The following TNFRSF8 variants were observed in gnomAD, a reference collection of about 807,000 sequenced individuals.
The protein encoded by TNFRSF8 is tumor necrosis factor receptor superfamily member 8.
In TNFRSF8, 26 loss-of-function variants were observed where a neutral mutation model predicts 70.8. That is an observed-to-expected ratio of 0.37 (90% CI 0.27 to 0.51). TNFRSF8 has a LOEUF of 0.51. Ranked by LOEUF, TNFRSF8 falls within the 20% of genes least tolerant of loss-of-function variation. The probability of loss-of-function intolerance (pLI) is 0.94; values close to 1 mark genes in which losing one functional copy is unlikely to be tolerated. For synonymous variants in TNFRSF8, 356 were observed against 339.2 expected (o/e 1.05, Z -0.54); for missense variants, 720 against 807.9 (o/e 0.89, Z 1.32).
rs1449036810 is a variant in TNFRSF8, at chr1:12,109,045, A to C, written c.422-521A>C. ...AGAAGCTTCAGGCATGGCTGGATCC[A>C]GGGCTCCATCTTGCCCCATCTCTCA... is the stretch of plus-strand genomic sequence containing the variant. On this transcript the variant is annotated intron_variant, in intron 4 of 14. Coordinates refer to ENST00000263932, the MANE Select transcript of TNFRSF8 (RefSeq NM_001243.5). The surrounding 1 kb of genome is among the most constrained non-coding windows in gnomAD (Gnocchi z 4.4). 2.6e-5 allele frequency among the ~76,000 whole-genome samples: 4 copies of C among 152,336 alleles called. No homozygotes were observed. The South Asian group carries it at 6.2e-4, about 24-fold the overall frequency.
chr1:12,136,245 G>C (rs935410152), intron 13 of TNFRSF8, among the ~76,000 whole-genome samples: 1 of 152,124 alleles, frequency 6.6e-6, no homozygotes. Flanking sequence ...TGTGACAAGT[G>C]GCTGTTACAA....
chr1:12,106,019 TTCTTC>T (rs1377430535), intron 4 of TNFRSF8, among the ~76,000 whole-genome samples: 1 of 151,988 alleles, frequency 6.6e-6, no homozygotes, highest in Non-Finnish European at 1.5e-5. Context: ...TTGACCTGCC[TTCTTC>T]TCTTCATGTT....
intron 4 of TNFRSF8, among the ~76,000 whole-genome samples, chr1:12,107,785 TAGAA>T (rs898177624): frequency 5.9e-5 from 9 of 152,234 alleles, no homozygotes; most frequent in Admixed American, 6.5e-5. Flanking sequence ...AGCTGTAAAA[TAGAA>T]AGCAGTTTCT....
Position 12,115,741 on chromosome 1 carries a change from C to G in TNFRSF8, c.946+12C>G. ...CACCAAGCCCCAGGGTAAGCAGTTC[C>G]CACCCCAGGCCTCGACCACAGGGTG... On this transcript the variant is annotated intron_variant, in intron 8 of 14. Transcript: ENST00000263932. The G allele has an allele frequency of 6.2e-7, 1 of 1,612,402 alleles. No individual in the cohort carries two copies. Among genetic ancestry groups the G allele is most frequent in the Non-Finnish European group, 8.5e-7 (1 of 1,178,634 alleles).
At chr1:12,092,069 G>T (rs935352638) in intron 2 of TNFRSF8, among the ~76,000 whole-genome samples, 1 of 152,126 alleles carries the variant, frequency 6.6e-6, no homozygotes, top group Admixed American at 6.5e-5. Context: ...GACTGGGGTC[G>T]CCTGGCTTGT....
intron 3 of TNFRSF8, among the ~76,000 whole-genome samples, chr1:12,100,165 T>A (rs534303785): frequency 6.6e-6 from 1 of 151,490 alleles, no homozygotes; most frequent in Admixed American, 6.6e-5. Flanking sequence ...TGAGACACCA[T>A]CTAAAAAAAA....
intron 4 of TNFRSF8, among the ~76,000 whole-genome samples, chr1:12,105,168 C>T (rs911219278): frequency 2.0e-5 from 3 of 152,102 alleles, no homozygotes; most frequent in Admixed American, 1.3e-4. Context: ...GAGTGGCTGC[C>T]GCAGTTGCAG....
chr1:12,123,355 G>C lies in TNFRSF8; in HGVS notation c.1018G>C (p.Glu340Gln). ...GTQPDCNPTP[E>Q]NGEAPASTSP... ...CCAGCCGGACTGCAACCCCACCCCA[G>C]AGAATGGCGAGGCGCCTGCCAGGTG... Residue 340 changes from glutamate to glutamine, a missense_variant, in exon 9 of 15, where the codon GAG becomes CAG. Transcript: ENST00000263932. 6.2e-7 allele frequency: 1 copy of C among 1,612,206 alleles called. No homozygotes were observed. Among genetic ancestry groups the C allele is most frequent in the Non-Finnish European group, 8.5e-7 (1 of 1,179,360 alleles).
In TNFRSF8 at chr1:12,071,994, G is replaced by A. The variant is rs377036288; in HGVS notation, c.63+8333G>A. Among the ~76,000 whole-genome samples, 18 of 152,332 alleles carry A rather than the reference G, an allele frequency of 1.2e-4. No individual in the cohort carries two copies. The South Asian group carries it at 2.3e-3, about 19-fold the overall frequency. On this transcript the variant is annotated intron_variant, in intron 1 of 14. Coordinates refer to ENST00000263932, the MANE Select transcript of TNFRSF8 (RefSeq NM_001243.5). ...CTATAGGCATGAGCCACCTTTGAGA[G>A]ACAGTAGAGCATTTCGTTAAAGGTA...
chr1:12,117,419 A>G (rs191764218), intron 8 of TNFRSF8, among the ~76,000 whole-genome samples: 35 of 152,300 alleles, frequency 2.3e-4, no homozygotes, highest in Admixed American at 4.6e-4. Context: ...TTGAAGGAAT[A>G]TCCGGGGAAA....
chr1:12,074,080 C>T (rs912490318), intron 1 of TNFRSF8, among the ~76,000 whole-genome samples: 4 of 151,768 alleles, frequency 2.6e-5, no homozygotes, highest in African/African-American at 4.8e-5. Flanking sequence ...GGAGCCGGCA[C>T]GGGATTGCTG....
At chr1:12,125,633 C>T (rs1437043006) in intron 10 of TNFRSF8, among the ~76,000 whole-genome samples, 7 of 152,288 alleles carry the variant, frequency 4.6e-5, no homozygotes, top group East Asian at 1.9e-4. Context: ...TGCCAGATGC[C>T]GGTCACACCG....
chr1:12,112,035 CG>C lies in TNFRSF8; in HGVS notation c.793+24del. The C allele has an allele frequency of 6.3e-7, 1 of 1,585,092 alleles. No homozygotes were observed. Among genetic ancestry groups the C allele is most frequent in the Non-Finnish European group, 8.7e-7 (1 of 1,155,154 alleles). ...TCGAGGTAAGGGCCTCGTCCCTCCC[CG>C]GGCCTCAGTTTACCTCTCTGCATTT... On this transcript the variant is annotated intron_variant, in intron 7 of 14. Coordinates refer to ENST00000263932, the MANE Select transcript of TNFRSF8 (RefSeq NM_001243.5). This position sits in a 1 kb window ranked among gnomAD's most constrained non-coding sequence, Gnocchi z 5.3.
intron 3 of TNFRSF8, among the ~76,000 whole-genome samples, chr1:12,100,816 G>T (rs2100990459): frequency 6.6e-6 from 1 of 152,290 alleles, no homozygotes; most frequent in Non-Finnish European, 1.5e-5. Flanking sequence ...AATTAGCCGG[G>T]CACGTTGGCA....
intron 2 of TNFRSF8, among the ~76,000 whole-genome samples, chr1:12,096,589 C>T (rs1641335495): frequency 6.6e-6 from 1 of 152,128 alleles, no homozygotes; most frequent in South Asian, 2.1e-4. Context: ...TTATGGCTCT[C>T]CTAATTCCTG....
At position 12,142,909 on chromosome 1, in the gene TNFRSF8, C is replaced by T. The variant is rs1219457719; in HGVS notation, c.*378C>T. 4 of 190,908 alleles carry T rather than the reference C, an allele frequency of 2.1e-5. No homozygotes were observed. Among genetic ancestry groups the T allele is most frequent in the South Asian group, 1.2e-4 (1 of 8,282 alleles). 11.8% of individuals were successfully genotyped at this position (190,908 alleles called of 1,614,324 possible). On this transcript the variant is annotated 3_prime_UTR_variant, in exon 15 of 15. Coordinates refer to ENST00000263932, the MANE Select transcript of TNFRSF8 (RefSeq NM_001243.5). The surrounding 1 kb of genome is among the most constrained non-coding windows in gnomAD (Gnocchi z 5.0). ...GCCCACAGCCCAGCGAGGGAGAGGT[C>T]GTGAGGCCAGCTCCCGGGGCCCCTG...
At chr1:12,072,875 C>A (rs1640871770) in intron 1 of TNFRSF8, among the ~76,000 whole-genome samples, 1 of 152,166 alleles carries the variant, frequency 6.6e-6, no homozygotes. Flanking sequence ...ACTCTTGATT[C>A]GGGTGAGGGA....
At chr1:12,075,193 G>A (rs1569984742) in intron 1 of TNFRSF8, among the ~76,000 whole-genome samples, 2 of 151,746 alleles carry the variant, frequency 1.3e-5, no homozygotes, top group Admixed American at 6.6e-5. Context: ...ATAGTGAGCC[G>A]AGATTGCACC....
chr1:12,138,231 G>C lies in TNFRSF8; in HGVS notation c.1338G>C (p.Gln446His). Residue 446 changes from glutamine to histidine, a missense_variant and splice_region_variant, in exon 14 of 15, where the codon CAG (glutamine) becomes CAC (histidine). Physicochemically the swap from Gln to His is conservative, Grantham distance 24. Coordinates refer to ENST00000263932, the MANE Select transcript of TNFRSF8 (RefSeq NM_001243.5). The surrounding 1 kb of genome is among the most constrained non-coding windows in gnomAD (Gnocchi z 5.7). ...CAGCACCCATTCCCGTCCCACAGCAGCTGAGGAGTGGTGCGTCGGTGACAG... is the reference window on the plus strand; with the variant it reads ...CAGCACCCATTCCCGTCCCACAGCACCTGAGGAGTGGTGCGTCGGTGACAG... ...VDSRPRRSST[Q>H]LRSGASVTEP... 6.2e-7 allele frequency: 1 copy of C among 1,613,470 alleles called. No homozygotes were observed. Among genetic ancestry groups the C allele is most frequent in the Non-Finnish European group, 8.5e-7 (1 of 1,179,796 alleles).
Sources: allele counts gnomAD v4.1 joint callset (sites outside exome capture counted in the v4.1 genomes callset), GRCh38; gene constraint gnomAD v4.1.1; non-coding constraint Gnocchi (gnomAD v3.1); transcripts MANE v1.5; gene names NCBI Gene and HGNC (gene_info 2026-07-23, HGNC 2026-07-21).